Variants in AGAP3 observed in about 807,000 individuals in gnomAD.
The protein encoded by AGAP3 is arf-GAP with GTPase, ANK repeat and PH domain-containing protein 3.
A neutral mutation model predicts 96.9 loss-of-function variants in AGAP3; 24 were observed. That is an observed-to-expected ratio of 0.25 (90% CI 0.18 to 0.35). The LOEUF (loss-of-function observed/expected upper bound fraction) is 0.35, where lower values mean the gene tolerates loss of function less well. Ranked by LOEUF, AGAP3 falls within the 10% of genes least tolerant of loss-of-function variation. AGAP3 has a pLI of 1.00. For synonymous variants in AGAP3, 563 were observed against 536.1 expected (o/e 1.05, Z -0.69); for missense variants, 876 against 1,254.2 (o/e 0.70, Z 4.55).
At chr7:151,123,094 G>A (rs1799990262) in intron 8 of AGAP3, 1 of 1,161,302 alleles carries the variant, frequency 8.6e-7, no homozygotes, top group Admixed American at 4.7e-5. Context: ...GGGAGTCCAA[G>A]CCCGCCCGGC....
intron 1 of AGAP3, among the ~76,000 whole-genome samples, chr7:151,102,152 C>T (rs1196546750): frequency 6.6e-6 from 1 of 152,176 alleles, no homozygotes; most frequent in Non-Finnish European, 1.5e-5. Context: ...CAAAGCATCT[C>T]GACTCAGGAG....
In AGAP3 at chr7:151,142,214, G is replaced by A. The variant is rs558638130; in HGVS notation, c.2011G>A (p.Val671Ile). 71 of 1,613,602 alleles carry A rather than the reference G, an allele frequency of 4.4e-5. No individual in the cohort carries two copies. The highest frequency in any genetic ancestry group is 1.7e-4 in the Middle Eastern group (1 of 6,056). Reference sequence around the variant, plus strand: ...TCTGGCTGTGCAGGCCGTCCGCACCGTCCGCGGCAACAGCTTTTGTATCGA... The same window carrying A: ...TCTGGCTGTGCAGGCCGTCCGCACCATCCGCGGCAACAGCTTTTGTATCGA... Reference protein sequence around the residue: ...AALAVQAVRTVRGNSFCIDCD... With the variant: ...AALAVQAVRTIRGNSFCIDCD... The change falls in exon 15 of 18, where the codon GTC (valine) becomes ATC (isoleucine). Residue 671 changes from valine to isoleucine, a missense_variant. Physicochemically the swap from Val to Ile is conservative, Grantham distance 29. Around this residue, in one of 8 missense-constraint regions of AGAP3, gnomAD observed 103 missense variants for 183.0 expected, o/e 0.56. Transcript: ENST00000397238. This position sits in a 1 kb window ranked among gnomAD's most constrained non-coding sequence, Gnocchi z 7.5.
chr7:151,122,547 T>TCTCCTCCTCCTC (rs1442372603), intron 8 of AGAP3, among the ~76,000 whole-genome samples: 1 of 149,970 alleles, frequency 6.7e-6, no homozygotes, highest in Non-Finnish European at 1.5e-5. Flanking sequence ...TCCTCCTCCT[T>TCTCCTCCTCCTC]CTCCTCCTCC....
At chr7:151,126,127 C>G (rs1377372011) in intron 9 of AGAP3, among the ~76,000 whole-genome samples, 1 of 151,674 alleles carries the variant, frequency 6.6e-6, no homozygotes, top group Admixed American at 6.5e-5. Flanking sequence ...GTCATTACAG[C>G]GGCTCCCTCG....
intron 1 of AGAP3, among the ~76,000 whole-genome samples, chr7:151,113,910 G>A (rs967077113): frequency 2.0e-5 from 3 of 152,182 alleles, no homozygotes; most frequent in African/African-American, 7.2e-5. Flanking sequence ...GCTGGAGCCA[G>A]TACCGCAGGC....
At chr7:151,138,441 G>T (rs893673008) in intron 12 of AGAP3, 128 bp downstream of exon 12, 1 of 1,130,958 alleles carries the variant, frequency 8.8e-7, no homozygotes, top group Non-Finnish European at 1.2e-6. Flanking sequence ...GTGGGGCCCA[G>T]CTGGGCCCTC....
At chr7:151,137,807 G>T (rs755427546) in intron 11 of AGAP3, 3 of 360,110 alleles carry the variant, frequency 8.3e-6, no homozygotes, top group Non-Finnish European at 1.5e-5. Flanking sequence ...GCCAGGAGGG[G>T]CCCCTCAAGG....
At chr7:151,136,638 G>A (rs1189633947) in intron 11 of AGAP3, 2 of 152,196 alleles carry the variant, frequency 1.3e-5, no homozygotes, top group Non-Finnish European at 1.5e-5. Flanking sequence ...ACTGATTGTG[G>A]GATTGCAGGC....
chr7:151,103,684 C>T (rs1798922116), intron 1 of AGAP3, among the ~76,000 whole-genome samples: 1 of 152,158 alleles, frequency 6.6e-6, no homozygotes, highest in Non-Finnish European at 1.5e-5. Context: ...GAAGAGCTCC[C>T]TGATATTTAG....
intron 1 of AGAP3, chr7:151,115,124 G>T: frequency 1.9e-6 from 2 of 1,036,600 alleles, no homozygotes; most frequent in South Asian, 3.3e-5. Flanking sequence ...GCGGGGAGCC[G>T]ACTCCGCGGC....
intron 1 of AGAP3, chr7:151,116,537 C>T: frequency 1.8e-6 from 1 of 544,474 alleles, no homozygotes; most frequent in Non-Finnish European, 3.3e-6. Context: ...AGGAAGGACA[C>T]AGGGCCGAAA....
Position 151,120,069 on chromosome 7 carries a change from G to T in AGAP3, c.1052G>T (p.Arg351Leu). ...STPSISQRELRIETIAASSTP... is the reference protein window; with the variant it reads ...STPSISQRELLIETIAASSTP... ...CCCAGCATCAGCCAGCGGGAGCTGC[G>T]CATCGAGACCATCGCTGCCTCCTCC... Residue 351 changes from arginine to leucine, a missense_variant, in exon 8 of 18, where the codon CGC becomes CTC. Around this residue, in one of 8 missense-constraint regions of AGAP3, gnomAD observed 100 missense variants for 129.4 expected, o/e 0.77. Transcript: ENST00000397238. The T allele has an allele frequency of 6.2e-7, 1 of 1,613,868 alleles. No homozygotes were observed. The highest frequency in any genetic ancestry group is 1.1e-5 in the South Asian group (1 of 91,074).
intron 1 of AGAP3, among the ~76,000 whole-genome samples, chr7:151,095,878 G>T (rs1366938761): frequency 2.0e-5 from 3 of 151,476 alleles, no homozygotes; most frequent in Non-Finnish European, 4.4e-5. Flanking sequence ...TGGGTGATGT[G>T]GAATGAAGCC....
chr7:151,111,972 A>C (rs1356551601), intron 1 of AGAP3, among the ~76,000 whole-genome samples: 1 of 152,172 alleles, frequency 6.6e-6, no homozygotes, highest in Non-Finnish European at 1.5e-5. Flanking sequence ...CTTCGGGCCC[A>C]GTAGGTAGTG....
At chr7:151,087,330 C>T (rs1221174424) in intron 1 of AGAP3, 6 of 509,090 alleles carry the variant, frequency 1.2e-5, no homozygotes, top group Non-Finnish European at 2.2e-5. Context: ...TTGGGGGGGC[C>T]GGGACCAGAT....
intron 8 of AGAP3, chr7:151,123,152 C>T (rs937296506): frequency 3.7e-6 from 4 of 1,083,504 alleles, no homozygotes; most frequent in Non-Finnish European, 4.5e-6. Context: ...TCCTCTGCTC[C>T]TTCCTGCATG....
Position 151,133,704 on chromosome 7 carries a change from A to G in AGAP3, c.1327-696A>G, listed in dbSNP as rs973890647. On this transcript the variant is annotated intron_variant, in intron 10 of 17. Transcript: ENST00000397238. The surrounding 1 kb of genome is among the most constrained non-coding windows in gnomAD (Gnocchi z 5.4). The stretch of plus-strand genomic sequence containing the variant: ...CTACAAAACAGGCACTACCTCCCTC[A>G]GGTGGTGAAGATTACGCGAGGCTAT... Among the ~76,000 whole-genome samples the G allele has an allele frequency of 1.3e-5, 2 of 152,100 alleles. No homozygotes were observed. The highest frequency in any genetic ancestry group is 4.8e-5 in the African/African-American group (2 of 41,418).
At chr7:151,104,512 C>T (rs930129449) in intron 1 of AGAP3, among the ~76,000 whole-genome samples, 2 of 152,156 alleles carry the variant, frequency 1.3e-5, no homozygotes, top group African/African-American at 4.8e-5. Flanking sequence ...AGGATCAAGA[C>T]AAATGAAAGA....
chr7:151,115,114 G>A lies in AGAP3; in HGVS notation c.332-1679G>A, dbSNP rs759511060. On this transcript the variant is annotated intron_variant, in intron 1 of 17. Transcript: ENST00000397238. Reference sequence around the variant, plus strand: ...GCGCCGACCCGGCGCAGCCGCACCCGCGGGGAGCCGACTCCGCGGCCCCGG... The same window carrying A: ...GCGCCGACCCGGCGCAGCCGCACCCACGGGGAGCCGACTCCGCGGCCCCGG... 7 of 1,034,346 alleles carry A rather than the reference G, an allele frequency of 6.8e-6. No homozygotes were observed. The African/African-American group carries it at 7.0e-5, about 10-fold the overall frequency. 64.1% of individuals were successfully genotyped at this position (1,034,346 alleles called of 1,614,324 possible).
Sources: gnomAD v4.1 joint callset for allele counts (sites outside exome capture counted in the v4.1 genomes callset) on GRCh38, gnomAD v4.1.1 for gene constraint, gnomAD v4.1.1 regional missense constraint, Gnocchi (gnomAD v3.1) non-coding constraint, MANE v1.5 for transcripts, NCBI Gene and HGNC (gene_info 2026-07-23, HGNC 2026-07-21) for gene names.